Variants in TTC24 observed in about 807,000 individuals in gnomAD.
TTC24 encodes the protein tetratricopeptide repeat protein 24.
A neutral mutation model predicts 63.3 loss-of-function variants in TTC24; 54 were observed. That is an observed-to-expected ratio of 0.85 (90% CI 0.69 to 1.07). TTC24 has a LOEUF of 1.07. Among genes scored for constraint, TTC24 ranks in the 50% least tolerant of loss-of-function variants. The pLI, the probability that TTC24 is intolerant of heterozygous loss-of-function variation, is 0.00. For synonymous variants in TTC24, 276 were observed against 304.3 expected (o/e 0.91, Z 0.97); for missense variants, 680 against 730.5 (o/e 0.93, Z 0.80).
intron 1 of TTC24, among the ~76,000 whole-genome samples, chr1:156,580,442 T>C (rs1422571483): frequency 6.6e-6 from 1 of 152,122 alleles, no homozygotes; most frequent in African/African-American, 2.4e-5. Flanking sequence ...AAGGAAGTTA[T>C]GGAGGAGAGG....
Position 156,584,924 on chromosome 1 carries a change from G to A in TTC24, c.1299G>A (p.Ala433=), listed in dbSNP as rs532735423. The change falls in exon 7 of 11, where the codon GCG becomes GCA. Residue 433 remains alanine (A), a synonymous_variant. Coordinates refer to ENST00000368236, the MANE Select transcript of TTC24 (RefSeq NM_001105669.4). ...RLQAPGGASQ[A]EGTPAKAGSS... is the part of the protein sequence containing the mutation. ...AGGCTCCAGGTGGGGCCAGCCAGGC[G>A]GAGGGGACCCCAGCAAAGGCAGGAA... 38 of 1,603,580 alleles carry A rather than the reference G, an allele frequency of 2.4e-5. No individual in the cohort carries two copies. The highest frequency in any genetic ancestry group is 4.0e-5 in the African/African-American group (3 of 74,644).
At position 156,584,962 on chromosome 1, in the gene TTC24, G is replaced by A. The variant is rs761627238; in HGVS notation, c.1337G>A (p.Gly446Asp). The A allele has an allele frequency of 1.9e-6, 3 of 1,599,194 alleles. No homozygotes were observed. The South Asian group carries it at 3.4e-5, about 18-fold the overall frequency. ...TPAKAGSSTA[G>D]VQHRSSSGWE... ...GCAAAGGCAGGAAGCAGCACAGCAG[G>A]TGTCCAGCACAGGTGAGGGTGGGAA... Residue 446 changes from glycine (G) to aspartate (D), a missense_variant, in exon 7 of 11, where the codon GGT becomes GAT. By Grantham distance (94) the Gly-to-Asp change is moderately conservative. Coordinates refer to ENST00000368236, the MANE Select transcript of TTC24 (RefSeq NM_001105669.4).
chr1:156,583,329 T>G lies in TTC24; in HGVS notation c.1040-9T>G. Reference sequence around the variant, plus strand: ...CATGAAAGGACCTTCCAGGCTCTCTTTCTCTCAGGGGACATGAAGGGACAG... The same window carrying G: ...CATGAAAGGACCTTCCAGGCTCTCTGTCTCTCAGGGGACATGAAGGGACAG... On this transcript the variant is annotated splice_polypyrimidine_tract_variant and intron_variant, in intron 4 of 10. Coordinates refer to ENST00000368236, the MANE Select transcript of TTC24 (RefSeq NM_001105669.4). This position sits in a 1 kb window ranked among gnomAD's most constrained non-coding sequence, Gnocchi z 4.0. 6.2e-7 allele frequency: 1 copy of G among 1,612,304 alleles called. No individual in the cohort carries two copies. Among genetic ancestry groups the G allele is most frequent in the South Asian group, 1.1e-5 (1 of 90,942 alleles).
intron 2 of TTC24, 79 bp from the exon 3 acceptor site, chr1:156,582,152 C>G (rs977436066): frequency 6.8e-7 from 1 of 1,470,374 alleles, no homozygotes; most frequent in African/African-American, 1.4e-5. Context: ...TTTGGGGAAC[C>G]CTGGAGGAGT....
intron 1 of TTC24, 149 bp from the exon 2 acceptor site, chr1:156,581,212 A>G: frequency 1.8e-6 from 1 of 568,686 alleles, no homozygotes; most frequent in East Asian, 3.0e-5. Flanking sequence ...CCAATGGGAC[A>G]GAAGAAACAA....
At chr1:156,584,016 A>T in intron 6 of TTC24, 121 bp downstream of exon 6, 1 of 803,990 alleles carries the variant, frequency 1.2e-6, no homozygotes, top group South Asian at 1.6e-5. Flanking sequence ...ATCTGTGTTC[A>T]TCCGCCTTGA....
At position 156,587,693 on chromosome 1, in the gene TTC24, A is replaced by T. The variant is rs537649845; in HGVS notation, c.*1143A>T. Among the ~76,000 whole-genome samples, 6 of 151,760 alleles carry T rather than the reference A, an allele frequency of 4.0e-5. No individual in the cohort carries two copies. The highest frequency in any genetic ancestry group is 1.2e-4 in the African/African-American group (5 of 41,398). On this transcript the variant is annotated 3_prime_UTR_variant, in exon 11 of 11. Coordinates refer to ENST00000368236, the MANE Select transcript of TTC24 (RefSeq NM_001105669.4). ...TCAATGTAAAAGAAAATTTATCTTTAAAAAAAAATAAATTGATGAACTGAG... is the reference window on the plus strand; with the variant it reads ...TCAATGTAAAAGAAAATTTATCTTTTAAAAAAAATAAATTGATGAACTGAG...
chr1:156,584,658 C>T (rs1677101747), intron 6 of TTC24: 2 of 406,934 alleles, frequency 4.9e-6, no homozygotes, highest in Non-Finnish European at 8.7e-6. Context: ...GGTCATCAGG[C>T]GCTGGCCAGG....
chr1:156,582,601 CAGGACAG>C (rs1382239680), intron 3 of TTC24, among the ~76,000 whole-genome samples, 167 bp downstream of exon 3: 1 of 152,132 alleles, frequency 6.6e-6, no homozygotes, highest in Non-Finnish European at 1.5e-5. Flanking sequence ...GACAGCCAGA[CAGGACAG>C]AGGGTTGTGG....
Position 156,586,851 on chromosome 1 carries a change from TA to T in TTC24, c.*306del. 1 of 257,118 alleles carries T rather than the reference TA, an allele frequency of 3.9e-6. No individual in the cohort carries two copies. The highest frequency in any genetic ancestry group is 8.7e-5 in the South Asian group (1 of 11,502). 15.9% of individuals were successfully genotyped at this position (257,118 alleles called of 1,614,324 possible). A position where few individuals can be genotyped will look rare whatever the true frequency, so the allele number is the denominator to read the frequency against. ...ACGATTGCTAGGGGCCTGGCAGTTC[TA>T]AAAACTGACTTCGTGGTCAAGTAGC... On this transcript the variant is annotated 3_prime_UTR_variant, in exon 11 of 11. Transcript: ENST00000368236.
rs1166259510 is a variant in TTC24, at chr1:156,587,659, G to A, written c.*1109G>A. ...GAGACCACCCTGGGCAACATAGTGA[G>A]ACCCCATGTCAATGTAAAAGAAAAT... On this transcript the variant is annotated 3_prime_UTR_variant, in exon 11 of 11. Coordinates refer to ENST00000368236, the MANE Select transcript of TTC24 (RefSeq NM_001105669.4). Among the ~76,000 whole-genome samples the A allele has an allele frequency of 2.0e-5, 3 of 151,604 alleles. No individual in the cohort carries two copies. The highest frequency in any genetic ancestry group is 4.4e-5 in the Non-Finnish European group (3 of 67,994).
In TTC24 at chr1:156,583,267, A is replaced by G; in HGVS notation, c.1040-71A>G. On this transcript the variant is annotated intron_variant, in intron 4 of 10. Transcript: ENST00000368236. The surrounding 1 kb of genome is among the most constrained non-coding windows in gnomAD (Gnocchi z 4.0). ...CAGATGGGGGGAACTGAGGGTAGGG[A>G]GTGCCTCTGAGGGGGTGGATCAGTG... The G allele has an allele frequency of 1.9e-6, 3 of 1,604,752 alleles. No individual in the cohort carries two copies. Among genetic ancestry groups the G allele is most frequent in the Non-Finnish European group, 2.6e-6 (3 of 1,176,076 alleles).
chr1:156,581,115 C>T (rs147684135), intron 1 of TTC24, among the ~76,000 whole-genome samples: 2 of 152,248 alleles, frequency 1.3e-5, no homozygotes, highest in Admixed American at 6.5e-5. Context: ...GAAGAAGGTG[C>T]GTTCTGAAGT....
rs144112724 is a variant in TTC24, at chr1:156,584,784, G to A, written c.1252-93G>A. 13 of 792,294 alleles carry A rather than the reference G, an allele frequency of 1.6e-5. No individual in the cohort carries two copies. The East Asian group carries it at 2.7e-4, about 16-fold the overall frequency. 49.1% of individuals were successfully genotyped at this position (792,294 alleles called of 1,614,324 possible). ...CGAGACAAGCGGCAGAGCCCGAATT[G>A]TCTCTATCACATAAGTCTCTGGAGG... On this transcript the variant is annotated intron_variant, in intron 6 of 10. Coordinates refer to ENST00000368236, the MANE Select transcript of TTC24 (RefSeq NM_001105669.4).
At position 156,581,221 on chromosome 1, in the gene TTC24, A is replaced by G. The variant is rs150232488; in HGVS notation, c.-4-140A>G. On this transcript the variant is annotated intron_variant, in intron 1 of 10. Transcript: ENST00000368236. ...TGGTGCCCAATGGGACAGAAGAAACAAAGTGAGAGATCAGAGAGCAATCCT... is the reference window on the plus strand; with the variant it reads ...TGGTGCCCAATGGGACAGAAGAAACGAAGTGAGAGATCAGAGAGCAATCCT... 1.0e-5 allele frequency: 6 copies of G among 586,656 alleles called. No individual in the cohort carries two copies. In the East Asian group the frequency reaches 1.8e-4, roughly 18 times the overall value. 36.3% of individuals were successfully genotyped at this position (586,656 alleles called of 1,614,324 possible).
In TTC24 at chr1:156,582,338, C is replaced by G; in HGVS notation, c.814C>G (p.Gln272Glu). 6.2e-7 allele frequency: 1 copy of G among 1,609,076 alleles called. No homozygotes were observed. The highest frequency in any genetic ancestry group is 8.5e-7 in the Non-Finnish European group (1 of 1,177,788). ...ALPLCWVPGEQATVLRNLGMA... is the reference protein window; with the variant it reads ...ALPLCWVPGEEATVLRNLGMA... ...GCCCCTGTGCTGGGTGCCAGGAGAG[C>G]AGGCCACAGTGCTAAGAAACCTCGG... The change falls in exon 3 of 11, where the codon CAG becomes GAG. Residue 272 changes from glutamine (Q) to glutamate (E), a missense_variant. Physicochemically the swap from Gln to Glu is conservative, Grantham distance 29. Coordinates refer to ENST00000368236, the MANE Select transcript of TTC24 (RefSeq NM_001105669.4).
Position 156,582,308 on chromosome 1 carries a change from GC to G in TTC24, c.787del (p.Leu263CysfsTer14), listed in dbSNP as rs780556560. ...FPLAVEAFLQ[A>X]LPLCWVPGEQ... is the part of the protein sequence containing the mutation. Reference sequence around the variant, plus strand: ...GCTGGCCGTGGAGGCCTTCCTGCAGGCCCTGCCCCTGTGCTGGGTGCCAGGA... The same window carrying G: ...GCTGGCCGTGGAGGCCTTCCTGCAGGCCTGCCCCTGTGCTGGGTGCCAGGA... On this transcript the variant is annotated frameshift_variant, in exon 3 of 11. Coordinates refer to ENST00000368236, the MANE Select transcript of TTC24 (RefSeq NM_001105669.4). LOFTEE classifies it high-confidence loss of function. 1.4e-5 allele frequency: 22 copies of G among 1,588,278 alleles called. No individual in the cohort carries two copies. The South Asian group carries it at 2.2e-4, about 16-fold the overall frequency.
Position 156,586,666 on chromosome 1 carries a change from C to T in TTC24, c.*116C>T. ...TGCTCAGCCCTGCAGGGATGTGGAA[C>T]ACAGTGCAGCCAGTGGACTCCTGAG... On this transcript the variant is annotated 3_prime_UTR_variant, in exon 11 of 11. Coordinates refer to ENST00000368236, the MANE Select transcript of TTC24 (RefSeq NM_001105669.4). The T allele has an allele frequency of 5.5e-6, 5 of 910,398 alleles. No individual in the cohort carries two copies. Among genetic ancestry groups the T allele is most frequent in the Non-Finnish European group, 8.6e-6 (5 of 584,270 alleles). The allele number at this position is 910,398 out of a possible 1,614,324, so 56.4% of individuals were successfully genotyped here.
chr1:156,580,803 T>C (rs1366152905), intron 1 of TTC24, among the ~76,000 whole-genome samples: 2 of 152,202 alleles, frequency 1.3e-5, no homozygotes, highest in Non-Finnish European at 2.9e-5. Flanking sequence ...AACACTCGTA[T>C]GGTGGTAACA....
Sources: allele counts gnomAD v4.1 joint callset (sites outside exome capture counted in the v4.1 genomes callset), GRCh38; gene constraint gnomAD v4.1.1; non-coding constraint Gnocchi (gnomAD v3.1); transcripts MANE v1.5; gene names NCBI Gene and HGNC (gene_info 2026-07-23, HGNC 2026-07-21).